The following DIAPH2 variants were observed in gnomAD, a reference collection of about 807,000 sequenced individuals.
The protein encoded by DIAPH2 is protein diaphanous homolog 2.
Under a neutral mutation model 92.7 loss-of-function variants are expected in DIAPH2, and 35 were observed. That is an observed-to-expected ratio of 0.38 (90% CI 0.29 to 0.50). The LOEUF is 0.50. Among genes scored for constraint, DIAPH2 ranks in the 20% least tolerant of loss-of-function variants. The pLI, the probability that DIAPH2 is intolerant of heterozygous loss-of-function variation, is 0.94. For missense variants in DIAPH2, 701 were observed against 819.5 expected (o/e 0.86, Z 1.77); for synonymous variants, 301 against 280.4 (o/e 1.07, Z -0.73).
At chrX:97,153,773 TGACA>T (rs2067302828) in intron 22 of DIAPH2, among the ~76,000 whole-genome samples, 1 of 111,610 alleles carries the variant, frequency 9.0e-6, no homozygotes, top group African/African-American at 3.2e-5. Flanking sequence ...TTATTTTAAA[TGACA>T]TCTCTAAGCT....
At chrX:96,997,471 A>T (rs2066112562) in intron 17 of DIAPH2, among the ~76,000 whole-genome samples, 1 of 111,260 alleles carries the variant, frequency 9.0e-6, no homozygotes, top group Admixed American at 9.6e-5. Context: ...CTTTTAACTT[A>T]GGTTTTTGAA....
At chrX:96,908,377 T>C (rs1313358417) in intron 5 of DIAPH2, among the ~76,000 whole-genome samples, 1 of 110,758 alleles carries the variant, frequency 9.0e-6, no homozygotes, top group East Asian at 2.8e-4. Flanking sequence ...CCCTCATAAA[T>C]GTAAGGTCCA....
chrX:97,335,906 G>A (rs767738903), intron 23 of DIAPH2, among the ~76,000 whole-genome samples: 15 of 111,731 alleles, frequency 1.3e-4, no homozygotes, highest in African/African-American at 4.5e-4. Context: ...GCAAGAAAGA[G>A]TTTTAAATGC....
At chrX:97,280,822 GC>G (rs772021229) in intron 23 of DIAPH2, among the ~76,000 whole-genome samples, 2 of 111,579 alleles carry the variant, frequency 1.8e-5, no homozygotes, top group African/African-American at 6.5e-5. Context: ...GGTCCCAGAG[GC>G]CTTATAAATA....
intron 26 of DIAPH2, among the ~76,000 whole-genome samples, chrX:97,503,314 T>G (rs1467921803): frequency 1.8e-5 from 2 of 112,141 alleles, no homozygotes; most frequent in Non-Finnish European, 3.8e-5. Context: ...ACTAAATAGA[T>G]CTGCTCACAT....
chrX:97,243,924 G>A (rs2068118922), intron 22 of DIAPH2, among the ~76,000 whole-genome samples: 2 of 111,909 alleles, frequency 1.8e-5, no homozygotes, highest in Non-Finnish European at 1.9e-5. Context: ...TATTTATTGA[G>A]TGATAAATAC....
intron 26 of DIAPH2, among the ~76,000 whole-genome samples, chrX:97,509,467 G>T (rs942149869): frequency 1.9e-3 from 27 of 14,227 alleles, no homozygotes; most frequent in Non-Finnish European, 2.9e-3. Flanking sequence ...TGGCATTCAT[G>T]TTGCTTTTTT....
intron 15 of DIAPH2, among the ~76,000 whole-genome samples, chrX:96,954,395 C>T (rs1241678340): frequency 8.9e-6 from 1 of 112,282 alleles, no homozygotes; most frequent in African/African-American, 3.2e-5. Flanking sequence ...GATTAATCAT[C>T]TCTAAAAAGA....
chrX:97,310,875 T>C (rs1429067458), intron 23 of DIAPH2, among the ~76,000 whole-genome samples: 3 of 111,485 alleles, frequency 2.7e-5, no homozygotes, highest in African/African-American at 6.5e-5. Flanking sequence ...CCGGGCATGG[T>C]GGCAGGCGCC....
intron 21 of DIAPH2, among the ~76,000 whole-genome samples, chrX:97,139,993 G>C (rs1465367814): frequency 9.2e-6 from 1 of 108,709 alleles, no homozygotes; most frequent in African/African-American, 3.3e-5. Context: ...AAAACTAGGT[G>C]GGTTTTTGTT....
At chrX:97,570,075 AATATATATATAT>A (rs1164491863) in intron 26 of DIAPH2, among the ~76,000 whole-genome samples, 52 of 12,096 alleles carry the variant, frequency 4.3e-3, no homozygotes, top group East Asian at 9.4e-3. Context: ...AAGGCCTTCT[AATATATATATAT>A]ATATATATAT....
chrX:97,056,686 A>G (rs1293588748), intron 17 of DIAPH2, among the ~76,000 whole-genome samples: 1 of 111,862 alleles, frequency 8.9e-6, no homozygotes, highest in Non-Finnish European at 1.9e-5. Context: ...ATTTCTTTGT[A>G]TATCTCACTC....
chrX:96,816,784 T>C (rs1194635329), intron 4 of DIAPH2, among the ~76,000 whole-genome samples: 1 of 112,338 alleles, frequency 8.9e-6, no homozygotes, highest in Non-Finnish European at 1.9e-5. Flanking sequence ...CTATGTTTGT[T>C]GAAGCACTAT....
chrX:97,086,841 T>G (rs1203224493), intron 19 of DIAPH2, among the ~76,000 whole-genome samples: 1 of 111,405 alleles, frequency 9.0e-6, no homozygotes, highest in African/African-American at 3.3e-5. Context: ...GATGCTCAAT[T>G]TATTGATTTT....
chrX:97,224,594 A>G (rs2067951055), intron 22 of DIAPH2, among the ~76,000 whole-genome samples: 1 of 112,089 alleles, frequency 8.9e-6, no homozygotes, highest in African/African-American at 3.2e-5. Flanking sequence ...GAAATATGCT[A>G]TGTTCTCTTC....
intron 5 of DIAPH2, among the ~76,000 whole-genome samples, chrX:96,895,743 G>C (rs1380837043): frequency 1.8e-5 from 2 of 111,924 alleles, no homozygotes; most frequent in African/African-American, 6.5e-5. Context: ...GAAGTGATTG[G>C]TCTGGCAAAA....
intron 10 of DIAPH2, among the ~76,000 whole-genome samples, chrX:96,933,522 ATG>A (rs1190983598): frequency 1.9e-5 from 2 of 104,745 alleles, no homozygotes; most frequent in Non-Finnish European, 3.9e-5. Context: ...GTATATATAT[ATG>A]TGTGTGTATA....
chrX:97,269,256 A>T lies in DIAPH2; in HGVS notation c.2844+21417A>T, dbSNP rs190981208. Among the ~76,000 whole-genome samples, 157 of 111,750 alleles carry T rather than the reference A, an allele frequency of 1.4e-3. 4 individuals carry two copies. Among genetic ancestry groups the T allele is most frequent in the Admixed American group, 0.013 (140 of 10,464 alleles). ...GGTGAAAAAGGCCCAGCACACAAACAATTATAAAATTCCCAATGGGATAAG... is the reference window on the plus strand; with the variant it reads ...GGTGAAAAAGGCCCAGCACACAAACTATTATAAAATTCCCAATGGGATAAG... On this transcript the variant is annotated intron_variant, in intron 23 of 26. Coordinates refer to ENST00000324765, the MANE Select transcript of DIAPH2 (RefSeq NM_006729.5).
chrX:96,688,774 G>T (rs1347998744), intron 1 of DIAPH2, among the ~76,000 whole-genome samples: 1 of 112,140 alleles, frequency 8.9e-6, no homozygotes, highest in African/African-American at 3.2e-5. Flanking sequence ...GACAGACAGG[G>T]AAGTTAATTA....
Sources: allele counts gnomAD v4.1 joint callset (sites outside exome capture counted in the v4.1 genomes callset), GRCh38; gene constraint gnomAD v4.1.1; transcripts MANE v1.5; gene names NCBI Gene and HGNC (gene_info 2026-07-23, HGNC 2026-07-21).